PCBD2: variants seen among roughly 807,000 people sequenced by gnomAD.
The protein encoded by PCBD2 is pterin-4 alpha-carbinolamine dehydratase 2, also known as pterin-4-alpha-carbinolamine dehydratase 2.
PCBD2 carries 12 observed loss-of-function variants against 16.4 expected under a neutral mutation model. The ratio of observed to expected loss-of-function variants is 0.73; its 90% CI spans 0.47 to 1.19. The LOEUF is 1.19. Ranked by LOEUF, PCBD2 falls within the 50% of genes most tolerant of loss-of-function variation. The pLI is 0.00. For missense variants in PCBD2, 138 were observed against 156.8 expected, an observed-to-expected ratio of 0.88 and a Z score of 0.64; for synonymous variants, 58 against 61.8, an observed-to-expected ratio of 0.94 and a Z score of 0.29.
rs1158334317 is a variant in PCBD2, at chr5:134,906,194, A to ATTTTTT, written c.84+993_84+998dup. Among the ~76,000 whole-genome samples the ATTTTTT allele has an allele frequency of 3.7e-3, 246 of 66,516 alleles. 31 individuals carry two copies. Among genetic ancestry groups the ATTTTTT allele is most frequent in the African/African-American group, 0.015 (222 of 14,656 alleles). The allele number at this position is 66,516 out of a possible 152,430, so 43.6% of individuals were successfully genotyped here. A position where few individuals can be genotyped will look rare whatever the true frequency, so the allele number is the denominator to read the frequency against. On this transcript the variant is annotated intron_variant, in intron 1 of 3. Transcript: ENST00000254908. ...TGGCCTGAAATTCTTTAATAGAAGA[A>ATTTTTT]TTTTTTTTTTTTTTTTTTTTTTTTT...
At chr5:134,949,840 C>T (rs756476594) in intron 2 of PCBD2, among the ~76,000 whole-genome samples, 7 of 152,118 alleles carry the variant, frequency 4.6e-5, no homozygotes, top group East Asian at 3.8e-4. Flanking sequence ...GTGACATGTG[C>T]GTGCTTGGCA....
chr5:134,927,527 G>A (rs1443601068), intron 2 of PCBD2: 2 of 397,614 alleles, frequency 5.0e-6, no homozygotes, highest in Non-Finnish European at 8.9e-6. Context: ...GTGAGCCTAG[G>A]GTGTTGTGGG....
intron 1 of PCBD2, among the ~76,000 whole-genome samples, chr5:134,905,920 C>T (rs1455129598): frequency 6.6e-6 from 1 of 152,044 alleles, no homozygotes; most frequent in East Asian, 1.9e-4. Context: ...TCGCCGAGCC[C>T]GGAGTGGAGT....
intron 2 of PCBD2, among the ~76,000 whole-genome samples, chr5:134,958,567 T>C (rs919557003): frequency 2.0e-5 from 3 of 152,230 alleles, no homozygotes; most frequent in Admixed American, 6.5e-5. Flanking sequence ...TTTCTGCTGG[T>C]GCTTTTGCTT....
intron 2 of PCBD2, among the ~76,000 whole-genome samples, chr5:134,919,059 C>A (rs190170347): frequency 3.9e-5 from 6 of 152,320 alleles, no homozygotes; most frequent in Admixed American, 1.3e-4. Context: ...GGTCCTTACA[C>A]CACCCTTTAA....
chr5:134,905,464 A>G (rs1750674898), intron 1 of PCBD2: 1 of 363,484 alleles, frequency 2.8e-6, no homozygotes, highest in South Asian at 1.5e-4. Context: ...GAAGCCTACG[A>G]ACTTGCCAAC....
chr5:134,951,049 C>T (rs1751354156), intron 2 of PCBD2, among the ~76,000 whole-genome samples: 2 of 152,006 alleles, frequency 1.3e-5, no homozygotes, highest in South Asian at 4.1e-4. Flanking sequence ...CATTTTTTTC[C>T]CAAACTAATT....
rs1236104227 is a variant in PCBD2, at chr5:134,929,349, A to T, written c.216+18883A>T. Among the ~76,000 whole-genome samples, 3 of 149,242 alleles carry T rather than the reference A, an allele frequency of 2.0e-5. No homozygotes were observed. In the East Asian group the frequency reaches 5.9e-4, roughly 29 times the overall value. Reference sequence around the variant, plus strand: ...GTAATAGAGCGAGACCTTGTCTCAAAAAAAAAAAAAAAAAAGGGAAGAAAA... The same window carrying T: ...GTAATAGAGCGAGACCTTGTCTCAATAAAAAAAAAAAAAAAGGGAAGAAAA... On this transcript the variant is annotated intron_variant, in intron 2 of 3. Transcript: ENST00000254908.
At chr5:134,941,204 G>A (rs1256614759) in intron 2 of PCBD2, among the ~76,000 whole-genome samples, 1 of 151,828 alleles carries the variant, frequency 6.6e-6, no homozygotes, top group African/African-American at 2.4e-5. Context: ...CTGCACCTTG[G>A]AGGATTTGAT....
chr5:134,948,335 A>G (rs966921002), intron 2 of PCBD2, among the ~76,000 whole-genome samples: 3 of 152,212 alleles, frequency 2.0e-5, no homozygotes, highest in African/African-American at 7.2e-5. Flanking sequence ...CACCTTGGCC[A>G]GAATGTCTTT....
At chr5:134,914,824 A>G (rs1372721530) in intron 2 of PCBD2, among the ~76,000 whole-genome samples, 1 of 151,618 alleles carries the variant, frequency 6.6e-6, no homozygotes, top group Admixed American at 6.6e-5. Context: ...GGCGCCCGCC[A>G]TCATGCCCAG....
At chr5:134,942,055 C>T (rs977690318) in intron 2 of PCBD2, among the ~76,000 whole-genome samples, 8 of 140,862 alleles carry the variant, frequency 5.7e-5, no homozygotes, top group Non-Finnish European at 7.5e-5. Context: ...GGCGTGAACC[C>T]GGGAGGCGGA....
intron 2 of PCBD2, among the ~76,000 whole-genome samples, chr5:134,943,684 T>A (rs1439399428): frequency 6.6e-6 from 1 of 152,140 alleles, no homozygotes; most frequent in Non-Finnish European, 1.5e-5. Context: ...GTTGGTCAAG[T>A]TGTCTTGGGT....
At chr5:134,941,728 G>A (rs1242178306) in intron 2 of PCBD2, among the ~76,000 whole-genome samples, 1 of 152,050 alleles carries the variant, frequency 6.6e-6, no homozygotes, top group African/African-American at 2.4e-5. Context: ...TATTATAACA[G>A]TTTTGGAAAA....
chr5:134,931,296 T>G (rs1026522847), intron 2 of PCBD2, among the ~76,000 whole-genome samples: 9 of 152,146 alleles, frequency 5.9e-5, no homozygotes, highest in Non-Finnish European at 1.3e-4. Context: ...TTTTAGAAAT[T>G]TGGATATAAA....
At chr5:134,915,264 G>A (rs973095325) in intron 2 of PCBD2, among the ~76,000 whole-genome samples, 20 of 150,808 alleles carry the variant, frequency 1.3e-4, no homozygotes, top group Non-Finnish European at 2.8e-4. Context: ...GCAGTGAGCC[G>A]AGATCACACC....
intron 1 of PCBD2, among the ~76,000 whole-genome samples, chr5:134,907,559 A>C (rs970102183): frequency 1.3e-5 from 2 of 150,896 alleles, no homozygotes; most frequent in Admixed American, 6.6e-5. Context: ...TAGATTTCTT[A>C]TGATAGATGT....
In PCBD2 at chr5:134,918,756, A is replaced by C. The variant is rs563637428; in HGVS notation, c.216+8290A>C. ...TTTACCTAAAGTGTGAGAAGCTAGTAAAAATATCTGTGTAGTGTTCATGTT... is the reference window on the plus strand; with the variant it reads ...TTTACCTAAAGTGTGAGAAGCTAGTCAAAATATCTGTGTAGTGTTCATGTT... On this transcript the variant is annotated intron_variant, in intron 2 of 3. Transcript: ENST00000254908. Among the ~76,000 whole-genome samples the C allele has an allele frequency of 3.3e-5, 5 of 152,286 alleles. No individual in the cohort carries two copies. In the South Asian group the frequency reaches 8.3e-4, roughly 25 times the overall value.
At chr5:134,957,666 C>G (rs1333904712) in intron 2 of PCBD2, among the ~76,000 whole-genome samples, 1 of 152,148 alleles carries the variant, frequency 6.6e-6, no homozygotes, top group Non-Finnish European at 1.5e-5. Flanking sequence ...TTCCACCAGC[C>G]TGGGCAACAT....
Sources: allele counts gnomAD v4.1 joint callset (sites outside exome capture counted in the v4.1 genomes callset), GRCh38; gene constraint gnomAD v4.1.1; transcripts MANE v1.5; gene names NCBI Gene and HGNC (gene_info 2026-07-23, HGNC 2026-07-21).